Variants in DENND4C observed in about 807,000 individuals in gnomAD.
DENND4C encodes DENN domain containing 4C.
A neutral mutation model predicts 203.0 loss-of-function variants in DENND4C; 108 were observed. The ratio of observed to expected loss-of-function variants is 0.53; its 90% CI spans 0.46 to 0.62. DENND4C has a LOEUF of 0.62. Ranked by LOEUF, DENND4C falls within the 20% of genes least tolerant of loss-of-function variation. The pLI, the probability that DENND4C is intolerant of heterozygous loss-of-function variation, is 0.00. For synonymous variants in DENND4C, 871 were observed against 792.4 expected, an observed-to-expected ratio of 1.10 and a Z score of -1.67; for missense variants, 2,481 against 2,301.2, an observed-to-expected ratio of 1.08 and a Z score of -1.60.
intron 6 of DENND4C, among the ~76,000 whole-genome samples, chr9:19,296,897 T>A (rs1837583332): frequency 6.6e-6 from 1 of 152,252 alleles, no homozygotes; most frequent in African/African-American, 2.4e-5. Flanking sequence ...TAAAGTGATG[T>A]AGAAATTAGT....
chr9:19,295,085 T>G (rs139618594), intron 5 of DENND4C, among the ~76,000 whole-genome samples: 23 of 152,186 alleles, frequency 1.5e-4, no homozygotes, highest in African/African-American at 5.3e-4. Context: ...TAAAAAAAAA[T>G]CACAGGCCGG....
intron 31 of DENND4C, chr9:19,371,314 G>T: frequency 6.5e-6 from 1 of 154,714 alleles, no homozygotes; most frequent in Non-Finnish European, 1.4e-5. Context: ...TTGTGTCAAG[G>T]GTTTTAGACC....
Position 19,346,499 on chromosome 9 carries a change from G to A in DENND4C, c.3730G>A (p.Glu1244Lys). 6.2e-7 allele frequency: 1 copy of A among 1,614,154 alleles called. No individual in the cohort carries two copies. Among genetic ancestry groups the A allele is most frequent in the Non-Finnish European group, 8.5e-7 (1 of 1,180,040 alleles). ...LYGIAKVVQR[E>K]DVETGLDPLS... ...TGGTATTGCTAAGGTGGTTCAGAGG[G>A]AAGATGTTGAAACTGGACTAGATCC... Residue 1244 changes from glutamate to lysine, a missense_variant, in exon 23 of 33, where the codon GAA (glutamate) becomes AAA (lysine). Coordinates refer to ENST00000434457, the MANE Select transcript of DENND4C (RefSeq NM_001330640.2).
intron 1 of DENND4C, among the ~76,000 whole-genome samples, chr9:19,274,636 GGTT>G: frequency 6.6e-6 from 1 of 152,200 alleles, no homozygotes; most frequent in Non-Finnish European, 1.5e-5. Context: ...TGGTTTTATT[GGTT>G]GTTGTTTCTT....
chr9:19,261,399 A>G (rs972610841), intron 1 of DENND4C, among the ~76,000 whole-genome samples: 52 of 145,430 alleles, frequency 3.6e-4, no homozygotes, highest in African/African-American at 1.2e-3. Context: ...GGAAAATGTC[A>G]TTGGTATTTT....
At chr9:19,240,535 G>A (rs900544175) in intron 1 of DENND4C, among the ~76,000 whole-genome samples, 3 of 152,012 alleles carry the variant, frequency 2.0e-5, no homozygotes, top group African/African-American at 4.8e-5. Flanking sequence ...GCATAGTGGT[G>A]TGTGCCTGTA....
intron 2 of DENND4C, among the ~76,000 whole-genome samples, chr9:19,279,831 C>T (rs1429941785): frequency 6.6e-6 from 1 of 152,020 alleles, no homozygotes; most frequent in Non-Finnish European, 1.5e-5. Flanking sequence ...GCAAAAGACC[C>T]TGCCTCAGAA....
In DENND4C at chr9:19,346,456, T is replaced by C. The variant is rs773194654; in HGVS notation, c.3687T>C (p.Asn1229=). ...DLKTVSKDLR[N]KRSSLYGIAK... ...AAACAGTATCCAAAGATCTGAGGAA[T>C]AAGAGAAGTAGTTTATATGGTATTG... Residue 1229 remains asparagine, a synonymous_variant, in exon 23 of 33, where the codon AAT becomes AAC. Coordinates refer to ENST00000434457, the MANE Select transcript of DENND4C (RefSeq NM_001330640.2). The C allele has an allele frequency of 3.7e-6, 6 of 1,614,162 alleles. No homozygotes were observed. In the Admixed American group the frequency reaches 5.0e-5, roughly 13 times the overall value.
chr9:19,289,947 T>G (rs1835949794), intron 4 of DENND4C, among the ~76,000 whole-genome samples: 1 of 152,134 alleles, frequency 6.6e-6, no homozygotes, highest in African/African-American at 2.4e-5. Flanking sequence ...TTAAAAAACT[T>G]ATAGAAAGAA....
intron 2 of DENND4C, among the ~76,000 whole-genome samples, chr9:19,285,845 T>C (rs1006637158): frequency 1.3e-5 from 2 of 152,196 alleles, no homozygotes; most frequent in Non-Finnish European, 2.9e-5. Flanking sequence ...GTCTTGGCAC[T>C]CTTGTTGAAA....
intron 15 of DENND4C, among the ~76,000 whole-genome samples, chr9:19,327,534 A>C (rs1399410850): frequency 2.0e-5 from 3 of 152,074 alleles, no homozygotes; most frequent in Non-Finnish European, 4.4e-5. Flanking sequence ...TATACATATG[A>C]AAATATTTAA....
rs1428738477 is a variant in DENND4C at position 19,276,204 on chromosome 9, A to G, written c.30A>G (p.Thr10=). The change falls in exon 2 of 33, where the codon ACA becomes ACG. Residue 10 remains threonine, a synonymous_variant. Coordinates refer to ENST00000434457, the MANE Select transcript of DENND4C (RefSeq NM_001330640.2). MIEDKGPRV[T]DYFVVAGLTD... is the part of the protein sequence containing the mutation. ...TAGAAGACAAAGGACCAAGAGTGAC[A>G]GACTACTTTGTCGTAGCTGGTCTCA... 5 of 1,232,016 alleles carry G rather than the reference A, an allele frequency of 4.1e-6. 1 individual carries two copies. Among genetic ancestry groups the G allele is most frequent in the African/African-American group, 1.6e-5 (1 of 64,432 alleles). The allele number at this position is 1,232,016 out of a possible 1,614,324, so 76.3% of individuals were successfully genotyped here.
At chr9:19,238,661 CT>C (rs34648939) in intron 1 of DENND4C, among the ~76,000 whole-genome samples, 2 of 80,640 alleles carry the variant, frequency 2.5e-5, no homozygotes, top group Non-Finnish European at 2.5e-5. Flanking sequence ...TCCCCTGCCC[CT>C]TTTTTTTTGA....
At chr9:19,253,129 G>C (rs1167419164) in intron 1 of DENND4C, among the ~76,000 whole-genome samples, 2 of 152,138 alleles carry the variant, frequency 1.3e-5, no homozygotes, top group Non-Finnish European at 2.9e-5. Flanking sequence ...GTGTTGTTTG[G>C]ACTTCTTAAT....
At chr9:19,276,072 T>A (rs1482937016) in intron 1 of DENND4C, 86 bp from the exon 2 acceptor site, 2 of 605,850 alleles carry the variant, frequency 3.3e-6, no homozygotes, top group Admixed American at 4.4e-5. Flanking sequence ...AGTGTGCTAG[T>A]TGATGATTGT....
intron 5 of DENND4C, among the ~76,000 whole-genome samples, chr9:19,295,230 G>C (rs1837191342): frequency 6.6e-6 from 1 of 152,082 alleles, no homozygotes; most frequent in South Asian, 2.1e-4. Flanking sequence ...AATTAGGCCG[G>C]GCGCAGTGGC....
chr9:19,323,195 G>T (rs1012794746), intron 12 of DENND4C, among the ~76,000 whole-genome samples: 3 of 152,188 alleles, frequency 2.0e-5, no homozygotes, highest in African/African-American at 7.2e-5. Flanking sequence ...AGAACTTTGG[G>T]AGGCCAAGGC....
At chr9:19,332,451 GGTTCAGACA>G (rs1309784319) in intron 17 of DENND4C, among the ~76,000 whole-genome samples, 1 of 151,454 alleles carries the variant, frequency 6.6e-6, no homozygotes, top group African/African-American at 2.4e-5. Context: ...CTGCCTCCCG[GGTTCAGACA>G]GTTCTTGTGC....
At chr9:19,262,469 T>C (rs552153233) in intron 1 of DENND4C, among the ~76,000 whole-genome samples, 4 of 151,038 alleles carry the variant, frequency 2.6e-5, no homozygotes, top group Non-Finnish European at 4.4e-5. Flanking sequence ...TTTGAGACAG[T>C]CACCCAGGCT....
Sources: gnomAD v4.1 joint callset for allele counts (sites outside exome capture counted in the v4.1 genomes callset) on GRCh38, gnomAD v4.1.1 for gene constraint, MANE v1.5 for transcripts, NCBI Gene and HGNC (gene_info 2026-07-23, HGNC 2026-07-21) for gene names.